The following EDIL3 variants were observed in gnomAD, a reference collection of about 807,000 sequenced individuals.
EDIL3 encodes EGF-like repeat and discoidin I-like domain-containing protein 3.
Under a neutral mutation model 67.4 loss-of-function variants are expected in EDIL3, and 37 were observed. That is an observed-to-expected ratio of 0.55 (90% CI 0.42 to 0.72). EDIL3 has a LOEUF of 0.72. Ranked by LOEUF, EDIL3 falls within the 30% of genes least tolerant of loss-of-function variation. The pLI is 0.00. For synonymous variants in EDIL3, 195 were observed against 196.3 expected, an observed-to-expected ratio of 0.99 and a Z score of 0.05; for missense variants, 527 against 586.3, an observed-to-expected ratio of 0.90 and a Z score of 1.04.
At chr5:84,002,094 G>C (rs924250646) in intron 9 of EDIL3, among the ~76,000 whole-genome samples, 17 of 152,090 alleles carry the variant, frequency 1.1e-4, no homozygotes, top group Non-Finnish European at 2.1e-4. Context: ...GACCAAGTGG[G>C]ATTTTTCCCA....
chr5:84,221,240 T>G (rs538136105), intron 3 of EDIL3, among the ~76,000 whole-genome samples: 1 of 152,264 alleles, frequency 6.6e-6, no homozygotes, highest in East Asian at 1.9e-4. Flanking sequence ...TTTTATTATT[T>G]TAATTGTTTA....
At chr5:83,989,775 T>C (rs1257536717) in intron 9 of EDIL3, among the ~76,000 whole-genome samples, 2 of 152,100 alleles carry the variant, frequency 1.3e-5, no homozygotes, top group Non-Finnish European at 2.9e-5. Flanking sequence ...ATAGCAAAGA[T>C]TAGAGATGTC....
chr5:84,286,537 T>C (rs1052049455), intron 1 of EDIL3, among the ~76,000 whole-genome samples: 11 of 152,150 alleles, frequency 7.2e-5, no homozygotes, highest in Non-Finnish European at 1.2e-4. Context: ...ATATTTAGCA[T>C]ATACTCTGCG....
At chr5:84,086,508 T>C (rs1449478809) in intron 6 of EDIL3, among the ~76,000 whole-genome samples, 6 of 152,130 alleles carry the variant, frequency 3.9e-5, no homozygotes, top group Admixed American at 3.3e-4. Context: ...TCCAGTGAGA[T>C]GAACTGGGTA....
In EDIL3 at chr5:84,137,247, G is replaced by T; in HGVS notation, c.463C>A (p.Gln155Lys). Reference sequence around the variant, plus strand: ...CACACACGTGAATACTTACTGTATTGACAATTTCTTCCCATAAATTCGCCT... The same window carrying T: ...CACACACGTGAATACTTACTGTATTTACAATTTCTTCCCATAAATTCGCCT... ...CPGEFMGRNC[Q>K]YKCSGPLGIE... is the part of the protein sequence containing the mutation. The change falls in exon 5 of 11, where the codon CAA (glutamine) becomes AAA (lysine). Residue 155 changes from glutamine to lysine, a missense_variant. Around this residue, in one of 2 missense-constraint regions of EDIL3, gnomAD observed 494 missense variants for 522.5 expected, o/e 0.95. Coordinates refer to ENST00000296591, the MANE Select transcript of EDIL3 (RefSeq NM_005711.5). 1 of 1,608,470 alleles carries T rather than the reference G, an allele frequency of 6.2e-7. No individual in the cohort carries two copies. Among genetic ancestry groups the T allele is most frequent in the South Asian group, 1.1e-5 (1 of 90,894 alleles).
intron 2 of EDIL3, among the ~76,000 whole-genome samples, chr5:84,241,141 G>A (rs1744785607): frequency 6.6e-6 from 1 of 152,084 alleles, no homozygotes; most frequent in Admixed American, 6.5e-5. Flanking sequence ...ATTGTATAAT[G>A]ATTACTGATA....
chr5:83,995,833 G>A (rs1745229500), intron 9 of EDIL3, among the ~76,000 whole-genome samples: 1 of 152,108 alleles, frequency 6.6e-6, no homozygotes, highest in Admixed American at 6.6e-5. Context: ...CTCCTATCCA[G>A]TAAGCAAGGC....
chr5:84,103,768 G>A (rs115484552), intron 6 of EDIL3, among the ~76,000 whole-genome samples: 17,209 of 152,050 alleles, frequency 0.11, 1,317 homozygotes, highest in East Asian at 0.41. Context: ...CACTGTTGGT[G>A]GGAGTGTAAA....
chr5:83,967,502 G>A (rs577286171), intron 9 of EDIL3, among the ~76,000 whole-genome samples: 42 of 152,208 alleles, frequency 2.8e-4, no homozygotes, highest in African/African-American at 9.9e-4. Context: ...TACTTAAGGA[G>A]AGAGGATTAA....
chr5:84,060,213 G>C (rs560876694), intron 9 of EDIL3, 87 bp downstream of exon 9: 1 of 1,469,328 alleles, frequency 6.8e-7, no homozygotes, highest in East Asian at 2.3e-5. Context: ...TAGCGTGAAG[G>C]TAACGACTCT....
intron 6 of EDIL3, among the ~76,000 whole-genome samples, chr5:84,092,258 C>T (rs905915146): frequency 7.2e-5 from 11 of 151,978 alleles, no homozygotes; most frequent in Non-Finnish European, 1.2e-4. Flanking sequence ...TTTCACTGTA[C>T]CATATCATAA....
intron 1 of EDIL3, among the ~76,000 whole-genome samples, chr5:84,337,850 A>G (rs1747021889): frequency 6.6e-6 from 1 of 152,128 alleles, no homozygotes. Context: ...ATCATATGCA[A>G]CACTATGCAA....
At position 84,114,836 on chromosome 5, in the gene EDIL3, C is replaced by G. The variant is rs551404089; in HGVS notation, c.470-8006G>C. ...AACATTCTCTCAATTTTATTACGAC[C>G]TATATTCTATTATTTTCCATATTGA... On this transcript the variant is annotated intron_variant, in intron 5 of 10. Transcript: ENST00000296591. Among the ~76,000 whole-genome samples, 220 of 152,254 alleles carry G rather than the reference C, an allele frequency of 1.4e-3. 3 individuals carry two copies. Among genetic ancestry groups the G allele is most frequent in the African/African-American group, 5.2e-3 (214 of 41,548 alleles).
intron 1 of EDIL3, among the ~76,000 whole-genome samples, chr5:84,374,446 T>A (rs903063148): frequency 6.6e-6 from 1 of 152,222 alleles, no homozygotes; most frequent in Middle Eastern, 3.2e-3. Flanking sequence ...AAAATACTTA[T>A]GTTTCCTAAA....
intron 1 of EDIL3, among the ~76,000 whole-genome samples, chr5:84,263,505 A>G (rs1160726873): frequency 6.6e-6 from 1 of 152,154 alleles, no homozygotes; most frequent in Non-Finnish European, 1.5e-5. Flanking sequence ...TGCGGGATAT[A>G]CCACCGTGAT....
intron 3 of EDIL3, among the ~76,000 whole-genome samples, chr5:84,205,781 C>A (rs1743962666): frequency 6.6e-6 from 1 of 152,044 alleles, no homozygotes; most frequent in African/African-American, 2.4e-5. Flanking sequence ...TTTTTTATTG[C>A]GTCAATTTGA....
chr5:84,073,168 A>C (rs1325738072), intron 6 of EDIL3, among the ~76,000 whole-genome samples: 1 of 152,180 alleles, frequency 6.6e-6, no homozygotes. Flanking sequence ...AAAAACTCTC[A>C]ATAAATTAGG....
intron 1 of EDIL3, among the ~76,000 whole-genome samples, chr5:84,272,758 GA>G (rs1357148205): frequency 3.3e-5 from 5 of 152,172 alleles, no homozygotes; most frequent in African/African-American, 1.2e-4. Flanking sequence ...GACAGCTGGA[GA>G]GAAGTTGTAA....
intron 4 of EDIL3, among the ~76,000 whole-genome samples, chr5:84,149,181 A>G (rs1748343044): frequency 6.6e-6 from 1 of 152,108 alleles, no homozygotes; most frequent in Non-Finnish European, 1.5e-5. Context: ...AATATACCCA[A>G]CAGGAGAGAA....
Sources: allele counts gnomAD v4.1 joint callset (sites outside exome capture counted in the v4.1 genomes callset), GRCh38; gene constraint gnomAD v4.1.1; regional missense constraint gnomAD v4.1.1; transcripts MANE v1.5; gene names NCBI Gene and HGNC (gene_info 2026-07-23, HGNC 2026-07-21).